ITSN1: variants seen among roughly 807,000 people sequenced by gnomAD.
ITSN1 encodes the protein intersectin-1.
ITSN1 carries 58 observed loss-of-function variants against 239.8 expected under a neutral mutation model. The ratio of observed to expected loss-of-function variants is 0.24; its 90% CI spans 0.20 to 0.30. ITSN1 has a LOEUF of 0.30. Ranked by LOEUF, ITSN1 falls within the 10% of genes least tolerant of loss-of-function variation. The probability of loss-of-function intolerance (pLI) is 1.00; values close to 1 mark genes in which losing one functional copy is unlikely to be tolerated. For synonymous variants in ITSN1, 780 were observed against 770.8 expected (o/e 1.01, Z -0.20); for missense variants, 1,558 against 2,103.3 (o/e 0.74, Z 5.07).
intron 9 of ITSN1, 136 bp downstream of exon 9, chr21:33,762,122 A>G: frequency 1.5e-6 from 1 of 688,538 alleles, no homozygotes; most frequent in South Asian, 1.7e-5. Flanking sequence ...AGTTGTAATG[A>G]TTGCCTCTTT....
intron 1 of ITSN1, among the ~76,000 whole-genome samples, chr21:33,673,738 C>T (rs2090438076): frequency 6.6e-6 from 1 of 151,128 alleles, no homozygotes; most frequent in Admixed American, 6.6e-5. Context: ...GTCACCTTTT[C>T]ATCACCTAGC....
Position 33,896,057 on chromosome 21 carries a change from T to C in ITSN1, c.*7757T>C, listed in dbSNP as rs756726583. The C allele has an allele frequency of 6.6e-6, 1 of 152,298 alleles. No individual in the cohort carries two copies. 9.4% of individuals were successfully genotyped at this position (152,298 alleles called of 1,614,324 possible). A position where few individuals can be genotyped will look rare whatever the true frequency, so the allele number is the denominator to read the frequency against. ...TGATGGGCTCTGTCTTAGGTCTTCT[T>C]ACTTTGAAAGGTCTCCCGGCAGGCT... On this transcript the variant is annotated 3_prime_UTR_variant, in exon 40 of 40. Transcript: ENST00000381318.
At chr21:33,690,847 TAAAAAAAA>T (rs755469647) in intron 1 of ITSN1, among the ~76,000 whole-genome samples, 1 of 49,406 alleles carries the variant, frequency 2.0e-5, no homozygotes, top group Non-Finnish European at 4.2e-5. Context: ...ATGTAAAAGT[TAAAAAAAA>T]AAAAAAAAAG....
chr21:33,825,890 G>A (rs1307727844), intron 25 of ITSN1, among the ~76,000 whole-genome samples: 1 of 152,152 alleles, frequency 6.6e-6, no homozygotes, highest in African/African-American at 2.4e-5. Context: ...TGTAAGTTGT[G>A]TTCCTGGTAG....
At chr21:33,886,578 TGA>T in intron 39 of ITSN1, 118 bp downstream of exon 39, 1 of 899,418 alleles carries the variant, frequency 1.1e-6, no homozygotes, top group Non-Finnish European at 1.7e-6. Flanking sequence ...TCCTGAGAGA[TGA>T]GGCTGGCTGG....
In ITSN1 at chr21:33,899,602, G is replaced by A. The variant is rs1031993865; in HGVS notation, c.*11302G>A. 5 of 152,136 alleles carry A rather than the reference G, an allele frequency of 3.3e-5. No individual in the cohort carries two copies. Among genetic ancestry groups the A allele is most frequent in the Admixed American group, 3.3e-4 (5 of 15,282 alleles). The allele number at this position is 152,136 out of a possible 1,614,324, so 9.4% of individuals were successfully genotyped here. ...TTCTTTTTTGTTTGAAAGAAGCTGA[G>A]GTTTGTTTTTGCTGTTTGAGTGTTC... On this transcript the variant is annotated 3_prime_UTR_variant, in exon 40 of 40. Transcript: ENST00000381318.
At chr21:33,862,748 A>T (rs543280972) in intron 31 of ITSN1, among the ~76,000 whole-genome samples, 1 of 152,260 alleles carries the variant, frequency 6.6e-6, no homozygotes, top group Admixed American at 6.5e-5. Context: ...TACCTCTGTC[A>T]CCTATTAGCT....
intron 6 of ITSN1, among the ~76,000 whole-genome samples, chr21:33,750,628 T>A (rs1164781002): frequency 6.6e-6 from 1 of 152,248 alleles, no homozygotes; most frequent in Non-Finnish European, 1.5e-5. Flanking sequence ...GAAGTTGAAC[T>A]GTAGTTGAAC....
chr21:33,881,603 C>T (rs1360366292), intron 34 of ITSN1, among the ~76,000 whole-genome samples: 1 of 152,002 alleles, frequency 6.6e-6, no homozygotes, highest in Non-Finnish European at 1.5e-5. Context: ...GTTTCATGCA[C>T]AGACCCTGCA....
Position 33,888,148 on chromosome 21 carries a change from T to C in ITSN1, c.5018-4T>C. On this transcript the variant is annotated splice_region_variant and splice_polypyrimidine_tract_variant and intron_variant, in intron 39 of 39. Transcript: ENST00000381318. ...TTAGGAGGGTCTGTTTGTTCTCTTT[T>C]CAGATTTTTTGGGTCGGACGGAGAT... 1 of 1,614,008 alleles carries C rather than the reference T, an allele frequency of 6.2e-7. No homozygotes were observed. Among genetic ancestry groups the C allele is most frequent in the Non-Finnish European group, 8.5e-7 (1 of 1,179,948 alleles).
In ITSN1 at chr21:33,898,515, A is replaced by T. The variant is rs1439532425; in HGVS notation, c.*10215A>T. The T allele has an allele frequency of 6.6e-6, 1 of 152,230 alleles. No individual in the cohort carries two copies. Among genetic ancestry groups the T allele is most frequent in the Non-Finnish European group, 1.5e-5 (1 of 68,032 alleles). The allele number at this position is 152,230 out of a possible 1,614,324, so 9.4% of individuals were successfully genotyped here. A position where few individuals can be genotyped will look rare whatever the true frequency, so the allele number is the denominator to read the frequency against. On this transcript the variant is annotated 3_prime_UTR_variant, in exon 40 of 40. Coordinates refer to ENST00000381318, the MANE Select transcript of ITSN1 (RefSeq NM_003024.3). The stretch of plus-strand genomic sequence containing the variant: ...CCAGAAGTGCCCCTTAGGCCACCTA[A>T]GGAGGATTCTGTGAAACTCAATGTC...
chr21:33,662,632 G>A (rs1418648306), intron 1 of ITSN1, among the ~76,000 whole-genome samples: 2 of 152,080 alleles, frequency 1.3e-5, no homozygotes, highest in African/African-American at 4.8e-5. Flanking sequence ...CTAGGTACTG[G>A]GTTTTATGCT....
At chr21:33,711,255 G>A (rs1009197331) in intron 1 of ITSN1, among the ~76,000 whole-genome samples, 2 of 151,804 alleles carry the variant, frequency 1.3e-5, no homozygotes, top group African/African-American at 4.8e-5. Flanking sequence ...AGGATTGATG[G>A]GGATGCCCCT....
At chr21:33,784,543 GTATAACTATATTGTTTTGTTA>G (rs2070487193) in intron 16 of ITSN1, among the ~76,000 whole-genome samples, 1 of 152,182 alleles carries the variant, frequency 6.6e-6, no homozygotes. Flanking sequence ...TCACAGGTCA[GTATAACTATATTGTTTTGTTA>G]TTTAACACGC....
At chr21:33,726,185 G>A (rs2065822911) in intron 4 of ITSN1, among the ~76,000 whole-genome samples, 1 of 152,090 alleles carries the variant, frequency 6.6e-6, no homozygotes, top group Non-Finnish European at 1.5e-5. Flanking sequence ...GTAGAGACAG[G>A]TTTTCACCAT....
chr21:33,778,180 C>T (rs1313797277), intron 14 of ITSN1, among the ~76,000 whole-genome samples: 1 of 152,082 alleles, frequency 6.6e-6, no homozygotes. Flanking sequence ...ATTCCATTTC[C>T]CATTATTTTA....
Position 33,823,579 on chromosome 21 carries a change from G to C in ITSN1, c.3109G>C (p.Asp1037His). The C allele has an allele frequency of 6.2e-7, 1 of 1,614,186 alleles. No homozygotes were observed. The highest frequency in any genetic ancestry group is 8.5e-7 in the Non-Finnish European group (1 of 1,180,022). ...DVILVTKKDG[D>H]WWTGTVGDKA... ...GATTTTGGTTACCAAGAAAGATGGT[G>C]ACTGGTGGACAGGAACAGTGGGCGA... Residue 1037 changes from aspartate to histidine, a missense_variant, in exon 25 of 40, where the codon GAC becomes CAC. Around this residue, in one of 2 missense-constraint regions of ITSN1, gnomAD observed 576 missense variants for 893.3 expected, o/e 0.64. Transcript: ENST00000381318.
intron 1 of ITSN1, among the ~76,000 whole-genome samples, chr21:33,706,512 A>C (rs1253844615): frequency 6.6e-6 from 1 of 151,976 alleles, no homozygotes; most frequent in East Asian, 1.9e-4. Context: ...TATTGACCTT[A>C]AAATGAGTAA....
rs113260238 is a variant in ITSN1, at chr21:33,868,968, AT to A, written c.4173+1648del. 3.3e-4 allele frequency among the ~76,000 whole-genome samples: 50 copies of A among 149,500 alleles called. 2 individuals carry two copies. Among genetic ancestry groups the A allele is most frequent in the African/African-American group, 8.3e-4 (34 of 41,018 alleles). On this transcript the variant is annotated intron_variant, in intron 33 of 39. Coordinates refer to ENST00000381318, the MANE Select transcript of ITSN1 (RefSeq NM_003024.3). The stretch of plus-strand genomic sequence containing the variant: ...AGCTTAGTCGTTGATTCTTTTTTTA[AT>A]TTTTTTTTTTCTAGAAGAAAATAAC...
Sources: allele counts gnomAD v4.1 joint callset (sites outside exome capture counted in the v4.1 genomes callset), GRCh38; gene constraint gnomAD v4.1.1; regional missense constraint gnomAD v4.1.1; transcripts MANE v1.5; gene names NCBI Gene and HGNC (gene_info 2026-07-23, HGNC 2026-07-21).